COL5A3: variants seen among roughly 807,000 people sequenced by gnomAD.
COL5A3 encodes the protein collagen alpha-3(V) chain.
A neutral mutation model predicts 250.0 loss-of-function variants in COL5A3; 172 were observed. That is an observed-to-expected ratio of 0.69 (90% CI 0.61 to 0.78). COL5A3 has a LOEUF of 0.78. Among genes scored for constraint, COL5A3 ranks in the 30% least tolerant of loss-of-function variants. The pLI is 0.00. For synonymous variants in COL5A3, 937 were observed against 900.4 expected (o/e 1.04, Z -0.73); for missense variants, 2,340 against 2,334.4 (o/e 1.00, Z -0.05).
chr19:9,975,266 G>C (rs1023619049), intron 45 of COL5A3, among the ~76,000 whole-genome samples: 1 of 151,930 alleles, frequency 6.6e-6, no homozygotes, highest in Non-Finnish European at 1.5e-5. Flanking sequence ...TTTTAGTAGA[G>C]ATGGGGTTTC....
At chr19:9,996,968 G>C (rs542956222) in intron 11 of COL5A3, 9 of 532,374 alleles carry the variant, frequency 1.7e-5, no homozygotes, top group Middle Eastern at 4.9e-4. Flanking sequence ...CAGAGAGACA[G>C]AGAGAGATAG....
chr19:9,973,632 G>C lies in COL5A3; in HGVS notation c.3613-9C>G, dbSNP rs779076242. ...GCGTCCCCTCGCTCACCCTGCAGGAGGCAAAGTGAGAGTGGGGAGAGGTCC... is the reference window on the plus strand; with the variant it reads ...GCGTCCCCTCGCTCACCCTGCAGGACGCAAAGTGAGAGTGGGGAGAGGTCC... On this transcript the variant is annotated splice_polypyrimidine_tract_variant and intron_variant, in intron 49 of 66. Coordinates refer to ENST00000264828, the MANE Select transcript of COL5A3 (RefSeq NM_015719.4). 6.2e-7 allele frequency: 1 copy of C among 1,612,448 alleles called. No individual in the cohort carries two copies. The highest frequency in any genetic ancestry group is 1.3e-5 in the African/African-American group (1 of 74,984).
chr19:9,961,801 G>A (rs141799919), intron 65 of COL5A3, among the ~76,000 whole-genome samples: 2,503 of 151,098 alleles, frequency 0.017, 71 homozygotes, highest in African/African-American at 0.057. Context: ...CTCGTGATCC[G>A]CCCACCTTGG....
chr19:9,996,268 A>G lies in COL5A3; in HGVS notation c.1423-6T>C. ...GGGGGGCCTTTCATAGAGAGCTGGA[A>G]AGACAGAGGAGTCAGAGCTTGGGGC... On this transcript the variant is annotated splice_polypyrimidine_tract_variant and splice_region_variant and intron_variant, in intron 13 of 66. Transcript: ENST00000264828. The G allele has an allele frequency of 1.9e-6, 3 of 1,564,730 alleles. No homozygotes were observed. The highest frequency in any genetic ancestry group is 2.6e-6 in the Non-Finnish European group (3 of 1,158,180).
intron 41 of COL5A3, among the ~76,000 whole-genome samples, 165 bp from the exon 42 acceptor site, chr19:9,977,866 C>A (rs997658850): frequency 6.6e-6 from 1 of 151,182 alleles, no homozygotes; most frequent in Non-Finnish European, 1.5e-5. Flanking sequence ...AGGGGCAGGG[C>A]ATATTCTTCT....
rs899388222 is a variant in COL5A3 at position 10,010,498 on chromosome 19, G to A, written c.-113C>T. On this transcript the variant is annotated 5_prime_UTR_variant, in exon 1 of 67. Transcript: ENST00000264828. ...GCGGCCGCTCCTCTCAGGGTCCGCG[G>A]GAAACTGCCCGAGACCCCGCCCTGG... The A allele has an allele frequency of 2.3e-5, 15 of 650,290 alleles. No homozygotes were observed. The African/African-American group carries it at 2.7e-4, about 12-fold the overall frequency. 40.3% of individuals were successfully genotyped at this position (650,290 alleles called of 1,614,324 possible).
intron 61 of COL5A3, 32 bp downstream of exon 61, chr19:9,967,872 T>C (rs763603498): frequency 7.5e-5 from 121 of 1,606,764 alleles, no homozygotes; most frequent in Non-Finnish European, 5.9e-6. Context: ...GGAGCTGGGA[T>C]GTGTAAGCCC....
In COL5A3 at chr19:9,968,597, A is replaced by G; in HGVS notation, c.4206+78T>C. On this transcript the variant is annotated intron_variant, in intron 58 of 66. Transcript: ENST00000264828. This position sits in a 1 kb window ranked among gnomAD's most constrained non-coding sequence, Gnocchi z 4.1. ...GAGTTTGGGAGCAGAGGATGCACCAATCTCCCAGCCCCCCAGCCAGGGAGG... is the reference window on the plus strand; with the variant it reads ...GAGTTTGGGAGCAGAGGATGCACCAGTCTCCCAGCCCCCCAGCCAGGGAGG... 6 of 1,578,040 alleles carry G rather than the reference A, an allele frequency of 3.8e-6. No homozygotes were observed. Among genetic ancestry groups the G allele is most frequent in the Non-Finnish European group, 4.3e-6 (5 of 1,150,640 alleles).
rs11881434 is a variant in COL5A3, at chr19:9,999,372, T to A, written c.1111-1223A>T. The stretch of plus-strand genomic sequence containing the variant: ...CCATGCCCAGCTATTTTTTATTTTA[T>A]TTTTTTGTAGAGACAGGGTCTTGCT... On this transcript the variant is annotated intron_variant, in intron 8 of 66. Coordinates refer to ENST00000264828, the MANE Select transcript of COL5A3 (RefSeq NM_015719.4). Among the ~76,000 whole-genome samples, 855 of 114,130 alleles carry A rather than the reference T, an allele frequency of 7.5e-3. 7 individuals carry two copies. The highest frequency in any genetic ancestry group is 8.7e-3 in the Non-Finnish European group (437 of 50,174). 74.9% of individuals were successfully genotyped at this position (114,130 alleles called of 152,430 possible).
intron 50 of COL5A3, 88 bp from the exon 51 acceptor site, chr19:9,973,114 C>A: frequency 8.0e-7 from 1 of 1,249,198 alleles, no homozygotes; most frequent in Non-Finnish European, 1.1e-6. Context: ...TTGGGGTGGT[C>A]TGGGACTTTT....
At chr19:9,977,496 G>A in intron 42 of COL5A3, 24 bp from the exon 43 acceptor site, 2 of 1,501,982 alleles carry the variant, frequency 1.3e-6, no homozygotes, top group Non-Finnish European at 1.8e-6. Flanking sequence ...TGGAAAGGGG[G>A]ATGTCAGGGC....
Position 9,996,100 on chromosome 19 carries a change from C to A in COL5A3, c.1499G>T (p.Gly500Val). The A allele has an allele frequency of 6.3e-7, 1 of 1,584,214 alleles. No homozygotes were observed. Among genetic ancestry groups the A allele is most frequent in the Non-Finnish European group, 8.6e-7 (1 of 1,166,402 alleles). ...PGPVGLPGHP[G>V]LKGEEGAEGP... ...TTCTGCTCCCTCCTCTCCTTTCAGACCTGGATGCCCGGGGAGACCCTTGGG... is the reference window on the plus strand; with the variant it reads ...TTCTGCTCCCTCCTCTCCTTTCAGAACTGGATGCCCGGGGAGACCCTTGGG... Residue 500 changes from glycine to valine, a missense_variant, in exon 15 of 67, where the codon GGT (glycine) becomes GTT (valine). By Grantham distance (109) the Gly-to-Val change is moderately radical. Coordinates refer to ENST00000264828, the MANE Select transcript of COL5A3 (RefSeq NM_015719.4).
chr19:9,969,033 AT>A, intron 57 of COL5A3: 1 of 579,292 alleles, frequency 1.7e-6, no homozygotes, highest in East Asian at 2.9e-5. Context: ...AGTGTAGACC[AT>A]CAAGGTGGAG....
At chr19:9,993,105 C>T (rs1284263929) in intron 19 of COL5A3, 38 bp from the exon 20 acceptor site, 2 of 1,609,050 alleles carry the variant, frequency 1.2e-6, no homozygotes, top group Non-Finnish European at 1.7e-6. Context: ...CAGGAAGGTA[C>T]AACCCTCGGA....
Position 9,993,383 on chromosome 19 carries a change from C to A in COL5A3, c.1746G>T (p.Glu582Asp). The A allele has an allele frequency of 6.2e-7, 1 of 1,614,170 alleles. No homozygotes were observed. Among genetic ancestry groups the A allele is most frequent in the Non-Finnish European group, 8.5e-7 (1 of 1,180,004 alleles). Residue 582 changes from glutamate (E) to aspartate (D), a missense_variant, in exon 19 of 67, where the codon GAG (glutamate) becomes GAT (aspartate). This residue lies in a region of COL5A3 where 1,152 missense variants were observed against 1,146.3 expected (regional missense o/e 1.00). Coordinates refer to ENST00000264828, the MANE Select transcript of COL5A3 (RefSeq NM_015719.4). ...GQPGPPGEDG[E>D]RGAEGPPGPT... ...CCTAACTCTCTTCCAAACTTACCCT[C>A]TCACCATCCTCTCCTGGGGGACCGG...
rs1232121031 is a variant in COL5A3 at position 9,966,696 on chromosome 19, T to C, written c.4509A>G (p.Pro1503=). The C allele has an allele frequency of 6.5e-7, 1 of 1,538,018 alleles. No homozygotes were observed. The highest frequency in any genetic ancestry group is 8.7e-7 in the Non-Finnish European group (1 of 1,147,554). ...CGCCCTCCACGACTGGAAGCGGGAC[T>C]GGGACGAAGCGCCGGCGCCTGCGCA... ...HGLRRRRRFV[P]VPLPVVEGGL... is the part of the protein sequence containing the mutation. Residue 1503 remains proline, a synonymous_variant, in exon 63 of 67, where the codon CCA becomes CCG. Coordinates refer to ENST00000264828, the MANE Select transcript of COL5A3 (RefSeq NM_015719.4).
chr19:9,970,876 TG>T, intron 53 of COL5A3, 98 bp downstream of exon 53: 1 of 1,205,116 alleles, frequency 8.3e-7, no homozygotes, highest in Non-Finnish European at 1.1e-6. Context: ...GCAGGGGCCT[TG>T]GGTACCCCAC....
rs2086889618 is a variant in COL5A3, at chr19:9,974,158, T to C, written c.3504+13A>G. 1.9e-6 allele frequency: 3 copies of C among 1,613,160 alleles called. No homozygotes were observed. In the East Asian group the frequency reaches 6.7e-5, roughly 36 times the overall value. Reference sequence around the variant, plus strand: ...CCATCCTCCCCCTCCCACCTTCCTCTGGGAGTGCATACCATGGACCCGACG... The same window carrying C: ...CCATCCTCCCCCTCCCACCTTCCTCCGGGAGTGCATACCATGGACCCGACG... On this transcript the variant is annotated intron_variant, in intron 47 of 66. Transcript: ENST00000264828.
At position 9,978,597 on chromosome 19, in the gene COL5A3, G is replaced by A. The variant is rs1462589843; in HGVS notation, c.2995C>T (p.Pro999Ser). ...ACATTGGCCCCCACGGGCCCTGGGG[G>A]GCCCTTATCACCCTTTAAGCCAGTA... ...GPTGLKGDKG[P>S]PGPVGANGSP... Residue 999 changes from proline to serine, a missense_variant, in exon 41 of 67, where the codon CCC becomes TCC. Physicochemically the swap from Pro to Ser is moderately conservative, Grantham distance 74. Coordinates refer to ENST00000264828, the MANE Select transcript of COL5A3 (RefSeq NM_015719.4). 6.3e-7 allele frequency: 1 copy of A among 1,581,828 alleles called. No individual in the cohort carries two copies. The highest frequency in any genetic ancestry group is 8.6e-7 in the Non-Finnish European group (1 of 1,165,704).
Sources: gnomAD v4.1 joint callset for allele counts (sites outside exome capture counted in the v4.1 genomes callset) on GRCh38, gnomAD v4.1.1 for gene constraint, gnomAD v4.1.1 regional missense constraint, Gnocchi (gnomAD v3.1) non-coding constraint, MANE v1.5 for transcripts, NCBI Gene and HGNC (gene_info 2026-07-23, HGNC 2026-07-21) for gene names.